The following SCN8A variants were observed in gnomAD, a reference collection of about 807,000 sequenced individuals.
SCN8A encodes sodium voltage-gated channel alpha subunit 8.
A neutral mutation model predicts 184.1 loss-of-function variants in SCN8A; 30 were observed. The observed-to-expected ratio is 0.16, with a 90% confidence interval of 0.12 to 0.22. SCN8A has a LOEUF of 0.22. Among genes scored for constraint, SCN8A ranks in the 10% least tolerant of loss-of-function variants. The pLI, the probability that SCN8A is intolerant of heterozygous loss-of-function variation, is 1.00. For missense variants in SCN8A, 1,057 were observed against 2,498.9 expected (o/e 0.42, Z 12.30); for synonymous variants, 852 against 907.0 (o/e 0.94, Z 1.09).
chr12:51,781,783 C>T (rs1217562690), intron 21 of SCN8A, among the ~76,000 whole-genome samples: 1 of 152,176 alleles, frequency 6.6e-6, no homozygotes, highest in Non-Finnish European at 1.5e-5. Context: ...CAAGAAAACT[C>T]GCTTCAATTC....
intron 1 of SCN8A, among the ~76,000 whole-genome samples, chr12:51,645,207 G>A (rs1199228621): frequency 6.8e-6 from 1 of 146,946 alleles, no homozygotes; most frequent in Non-Finnish European, 1.5e-5. Context: ...GGGAGGTGGG[G>A]GGGTCAGCCC....
intron 2 of SCN8A, among the ~76,000 whole-genome samples, chr12:51,680,739 C>T (rs764674874): frequency 1.2e-4 from 19 of 152,162 alleles, no homozygotes; most frequent in Admixed American, 2.6e-4. Context: ...CGGTGACTCA[C>T]GCCTTTAATC....
At chr12:51,789,481 C>A in intron 24 of SCN8A, 63 bp downstream of exon 24, 1 of 1,520,390 alleles carries the variant, frequency 6.6e-7, no homozygotes, top group Non-Finnish European at 9.0e-7. Flanking sequence ...CACCTTTGTC[C>A]CTATCTCTAG....
At chr12:51,788,869 T>C (rs1938164030) in intron 23 of SCN8A, 121 bp downstream of exon 23, 1 of 715,770 alleles carries the variant, frequency 1.4e-6, no homozygotes, top group Non-Finnish European at 2.2e-6. Context: ...ACGTTTCTCT[T>C]TGGAACATTT....
chr12:51,615,307 C>A lies in SCN8A; in HGVS notation c.-55+23948C>A, dbSNP rs148383336. On this transcript the variant is annotated intron_variant, in intron 1 of 26. Coordinates refer to ENST00000627620, the MANE Select transcript of SCN8A (RefSeq NM_001330260.2). ...CAGTGGTGCACACCTATAATCCAAA[C>A]ACTTTGGGAGGCCAAGGTGGGCAGA... Among the ~76,000 whole-genome samples the A allele has an allele frequency of 3.3e-3, 509 of 152,268 alleles. 1 individual carries two copies. Among genetic ancestry groups the A allele is most frequent in the Middle Eastern group, 0.017 (5 of 294 alleles).
At chr12:51,798,386 G>A (rs951204283) in intron 26 of SCN8A, among the ~76,000 whole-genome samples, 1 of 152,140 alleles carries the variant, frequency 6.6e-6, no homozygotes, top group Non-Finnish European at 1.5e-5. Flanking sequence ...CCCATATCCA[G>A]AGTAAGTGTC....
intron 2 of SCN8A, among the ~76,000 whole-genome samples, chr12:51,664,106 C>T (rs886563247): frequency 2.0e-5 from 3 of 151,620 alleles, no homozygotes; most frequent in African/African-American, 7.3e-5. Context: ...TGTTCTTTCA[C>T]TGGGAAATCT....
At chr12:51,669,639 A>G (rs1298876760) in intron 2 of SCN8A, among the ~76,000 whole-genome samples, 5 of 152,200 alleles carry the variant, frequency 3.3e-5, no homozygotes, top group Admixed American at 3.3e-4. Flanking sequence ...ACTCCTTTTA[A>G]ATTTTTAAAA....
intron 1 of SCN8A, among the ~76,000 whole-genome samples, chr12:51,612,077 C>T (rs1401418595): frequency 6.6e-6 from 1 of 152,144 alleles, no homozygotes; most frequent in African/African-American, 2.4e-5. Flanking sequence ...GGTAGCGAGA[C>T]TGGACATCCA....
At chr12:51,694,853 A>C (rs993531977) in intron 6 of SCN8A, among the ~76,000 whole-genome samples, 4 of 152,230 alleles carry the variant, frequency 2.6e-5, no homozygotes, top group African/African-American at 9.6e-5. Flanking sequence ...GCTTTCAGGC[A>C]GTCACAGCTG....
At chr12:51,605,493 AT>A (rs1939569691) in intron 1 of SCN8A, among the ~76,000 whole-genome samples, 2 of 152,208 alleles carry the variant, frequency 1.3e-5, no homozygotes, top group African/African-American at 4.8e-5. Context: ...CCACTTGTTG[AT>A]TAATGGGCAT....
At chr12:51,652,690 C>T (rs183689195) in intron 1 of SCN8A, among the ~76,000 whole-genome samples, 1 of 152,162 alleles carries the variant, frequency 6.6e-6, no homozygotes, top group Admixed American at 6.5e-5. Flanking sequence ...ATTTTCTTCC[C>T]ATAACCCACC....
At chr12:51,701,540 A>G (rs1941687609) in intron 8 of SCN8A, among the ~76,000 whole-genome samples, 1 of 152,192 alleles carries the variant, frequency 6.6e-6, no homozygotes, top group African/African-American at 2.4e-5. Flanking sequence ...AGTGATGGTT[A>G]TGGATCCAAG....
chr12:51,750,542 A>G (rs1942580277), intron 13 of SCN8A, among the ~76,000 whole-genome samples: 1 of 152,140 alleles, frequency 6.6e-6, no homozygotes, highest in African/African-American at 2.4e-5. Context: ...TGAGCTGTAA[A>G]CTTGTTAAGG....
At chr12:51,800,600 T>C (rs190987783) in intron 26 of SCN8A, among the ~76,000 whole-genome samples, 61 of 152,352 alleles carry the variant, frequency 4.0e-4, no homozygotes, top group African/African-American at 1.4e-3. Context: ...TTGCTAAGTA[T>C]GTCTGTGTCA....
Position 51,592,926 on chromosome 12 carries a change from G to T in SCN8A, c.-55+1567G>T, listed in dbSNP as rs1424415266. On this transcript the variant is annotated intron_variant, in intron 1 of 26. Coordinates refer to ENST00000627620, the MANE Select transcript of SCN8A (RefSeq NM_001330260.2). ...TCCACGTGCATTAGAAGATGTGGAG[G>T]GGGGGATGTTGTGCTTTTATTCTTT... Among the ~76,000 whole-genome samples, 7 of 151,958 alleles carry T rather than the reference G, an allele frequency of 4.6e-5. No individual in the cohort carries two copies. The East Asian group carries it at 1.3e-3, about 29-fold the overall frequency.
chr12:51,762,422 A>T, intron 14 of SCN8A, 81 bp from the exon 15 acceptor site: 1 of 1,321,716 alleles, frequency 7.6e-7, no homozygotes, highest in South Asian at 1.3e-5. Flanking sequence ...GGTTTCTTGG[A>T]CATGTTGTTT....
intron 23 of SCN8A, 102 bp from the exon 24 acceptor site, chr12:51,789,179 A>G (rs1938173035): frequency 1.6e-6 from 2 of 1,272,952 alleles, no homozygotes; most frequent in Admixed American, 2.2e-5. Context: ...CCACCCCAAG[A>G]TGTTTAGCAG....
intron 22 of SCN8A, among the ~76,000 whole-genome samples, chr12:51,787,311 T>C (rs1938113151): frequency 6.6e-6 from 1 of 152,218 alleles, no homozygotes; most frequent in African/African-American, 2.4e-5. Flanking sequence ...AGGTATCAGA[T>C]TAATGTATCA....
Sources: allele counts gnomAD v4.1 joint callset (sites outside exome capture counted in the v4.1 genomes callset), GRCh38; gene constraint gnomAD v4.1.1; transcripts MANE v1.5; gene names NCBI Gene and HGNC (gene_info 2026-07-23, HGNC 2026-07-21).